The following PLEKHA6 variants were observed in gnomAD, a reference collection of about 807,000 sequenced individuals.
PLEKHA6 encodes pleckstrin homology domain containing A6, also known as pleckstrin homology domain-containing family A member 6.
Under a neutral mutation model 116.7 loss-of-function variants are expected in PLEKHA6, and 60 were observed. The ratio of observed to expected loss-of-function variants is 0.51; its 90% CI spans 0.42 to 0.64. PLEKHA6 has a LOEUF of 0.64. Ranked by LOEUF, PLEKHA6 falls within the 30% of genes least tolerant of loss-of-function variation. The pLI is 0.00. For synonymous variants in PLEKHA6, 489 were observed against 556.1 expected (o/e 0.88, Z 1.70); for missense variants, 1,338 against 1,422.7 (o/e 0.94, Z 0.96).
intron 1 of PLEKHA6, among the ~76,000 whole-genome samples, chr1:204,321,005 G>C (rs1409213887): frequency 6.6e-6 from 1 of 152,126 alleles, no homozygotes; most frequent in East Asian, 1.9e-4. Flanking sequence ...CAAAGAAGGG[G>C]GCAGATGATG....
intron 5 of PLEKHA6, among the ~76,000 whole-genome samples, chr1:204,265,697 A>G (rs764973931): frequency 6.6e-6 from 1 of 152,156 alleles, no homozygotes; most frequent in Non-Finnish European, 1.5e-5. Flanking sequence ...GCCTCTGGGT[A>G]ACTCTTTCTA....
intron 1 of PLEKHA6, among the ~76,000 whole-genome samples, chr1:204,305,482 C>T (rs1341697941): frequency 6.6e-6 from 1 of 152,118 alleles, no homozygotes; most frequent in Non-Finnish European, 1.5e-5. Context: ...CTGAGAGACC[C>T]TTGAAGGCAG....
chr1:204,350,107 A>G (rs954612771), intron 1 of PLEKHA6, among the ~76,000 whole-genome samples: 2 of 152,182 alleles, frequency 1.3e-5, no homozygotes, highest in Non-Finnish European at 2.9e-5. Context: ...GGCTCACTTG[A>G]GCCCAGAAGT....
At chr1:204,249,062 G>T in intron 11 of PLEKHA6, 92 bp from the exon 12 acceptor site, 1 of 1,496,074 alleles carries the variant, frequency 6.7e-7, no homozygotes, top group Non-Finnish European at 9.2e-7. Flanking sequence ...GGTTCAACAG[G>T]CAGCTGAGTG....
At position 204,259,261 on chromosome 1, in the gene PLEKHA6, C is replaced by T. The variant is rs771389862; in HGVS notation, c.1004G>A (p.Arg335Gln). 8.7e-6 allele frequency: 14 copies of T among 1,613,168 alleles called. No homozygotes were observed. The highest frequency in any genetic ancestry group is 5.0e-5 in the Admixed American group (3 of 59,998). ...RRGVPPPEDL[R>Q]SPSRFYPVSR... is the part of the protein sequence containing the mutation. ...CCCAGCCGCCGGCATGCCTCACCTC[C>T]GAAGGTCTTCAGGCGGGGGTACCCC... is the stretch of plus-strand genomic sequence containing the variant. Residue 335 changes from arginine (R) to glutamine (Q), a missense_variant, in exon 8 of 23, where the codon CGG becomes CAG. Physicochemically the swap from Arg to Gln is conservative, Grantham distance 43 (BLOSUM62 1). Coordinates refer to ENST00000272203, the MANE Select transcript of PLEKHA6 (RefSeq NM_014935.5). The surrounding 1 kb of genome is among the most constrained non-coding windows in gnomAD (Gnocchi z 4.6).
rs747788935 is a variant in PLEKHA6, at chr1:204,259,429, C to T, written c.836G>A (p.Arg279Gln). ...AGACGGGAAAGCTGTGCTCCCTGGC[C>T]GGCTTGGGGAGTGGTACTGCCAGCC... ...PNGWQYHSPS[R>Q]PGSTAFPSQD... Residue 279 changes from arginine (R) to glutamine (Q), a missense_variant, in exon 8 of 23, where the codon CGG becomes CAG. Around this residue, in one of 3 missense-constraint regions of PLEKHA6, gnomAD observed 1,136 missense variants for 1,163.6 expected, o/e 0.98. Coordinates refer to ENST00000272203, the MANE Select transcript of PLEKHA6 (RefSeq NM_014935.5). This position sits in a 1 kb window ranked among gnomAD's most constrained non-coding sequence, Gnocchi z 4.6. 55 of 1,614,104 alleles carry T rather than the reference C, an allele frequency of 3.4e-5. No homozygotes were observed. Among genetic ancestry groups the T allele is most frequent in the East Asian group, 4.5e-5 (2 of 44,894 alleles).
rs956278368 is a variant in PLEKHA6 at position 204,278,365 on chromosome 1, A to G, written c.-94-3556T>C. Among the ~76,000 whole-genome samples, 6 of 152,316 alleles carry G rather than the reference A, an allele frequency of 3.9e-5. No individual in the cohort carries two copies. The East Asian group carries it at 7.7e-4, about 20-fold the overall frequency. Reference sequence around the variant, plus strand: ...CACGTTTCAGTTCCTCTGGCTTTCTATATTATTCCATTTTGTCTTCACATG... The same window carrying G: ...CACGTTTCAGTTCCTCTGGCTTTCTGTATTATTCCATTTTGTCTTCACATG... On this transcript the variant is annotated intron_variant, in intron 1 of 22. Transcript: ENST00000272203.
intron 17 of PLEKHA6, among the ~76,000 whole-genome samples, chr1:204,237,272 C>T (rs913966892): frequency 4.6e-5 from 7 of 152,200 alleles, no homozygotes; most frequent in African/African-American, 1.7e-4. Context: ...CTGGAAGAAC[C>T]CCCACATTGG....
At position 204,223,402 on chromosome 1, in the gene PLEKHA6, G is replaced by T; in HGVS notation, c.*8+60C>A. On this transcript the variant is annotated intron_variant, in intron 22 of 22. Transcript: ENST00000272203. This position sits in a 1 kb window ranked among gnomAD's most constrained non-coding sequence, Gnocchi z 4.8. ...AATGAGAGGGCATAGATGGCTCAAT[G>T]GGGGTGAAGGAAGGGGCCCCACTCC... 3.6e-6 allele frequency: 3 copies of T among 835,080 alleles called. No homozygotes were observed. The highest frequency in any genetic ancestry group is 1.4e-5 in the South Asian group (1 of 69,820). The allele number at this position is 835,080 out of a possible 1,614,324, so 51.7% of individuals were successfully genotyped here. A position where few individuals can be genotyped will look rare whatever the true frequency, so the allele number is the denominator to read the frequency against.
rs776665728 is a variant in PLEKHA6 at position 204,227,998 on chromosome 1, C to T, written c.3031+85G>A. 34 of 1,372,050 alleles carry T rather than the reference C, an allele frequency of 2.5e-5. No individual in the cohort carries two copies. In the Admixed American group the frequency reaches 6.4e-4, roughly 26 times the overall value. 85.0% of individuals were successfully genotyped at this position (1,372,050 alleles called of 1,614,324 possible). A position where few individuals can be genotyped will look rare whatever the true frequency, so the allele number is the denominator to read the frequency against. On this transcript the variant is annotated intron_variant, in intron 21 of 22. Transcript: ENST00000272203. ...GCCTTGTATCTCTTTGCTACTGCCC[C>T]CCTTGTAGCAGTGCCACGCTTCCTC...
rs888653590 is a variant in PLEKHA6 at position 204,259,174 on chromosome 1, G to T, written c.1007+84C>A. Reference sequence around the variant, plus strand: ...CTGCTTCCAGAAGGTTTCCAACAGGGGATGCCTCGTGGGCTATGACCCCAC... The same window carrying T: ...CTGCTTCCAGAAGGTTTCCAACAGGTGATGCCTCGTGGGCTATGACCCCAC... On this transcript the variant is annotated intron_variant, in intron 8 of 22. Transcript: ENST00000272203. This position sits in a 1 kb window ranked among gnomAD's most constrained non-coding sequence, Gnocchi z 4.6. The T allele has an allele frequency of 1.1e-5, 16 of 1,452,080 alleles. No homozygotes were observed. The African/African-American group carries it at 2.1e-4, about 19-fold the overall frequency. 89.9% of individuals were successfully genotyped at this position (1,452,080 alleles called of 1,614,324 possible). A position where few individuals can be genotyped will look rare whatever the true frequency, so the allele number is the denominator to read the frequency against.
rs115121594 is a variant in PLEKHA6 at position 204,365,062 on chromosome 1, G to A, written c.218+2737C>T. On this transcript the variant is annotated intron_variant, in intron 3 of 4. Coordinates refer to the PLEKHA6 transcript ENST00000564627. ...GAGAGATTGGCACCTACAAAGCCCC[G>A]GAAGCATGAAAGGGAAGCGAATGTT... Among the ~76,000 whole-genome samples, 728 of 152,244 alleles carry A rather than the reference G, an allele frequency of 4.8e-3. 4 individuals are homozygous for A. The highest frequency in any genetic ancestry group is 0.014 in the African/African-American group (570 of 41,518).
chr1:204,305,352 G>A (rs1326864313), intron 1 of PLEKHA6, among the ~76,000 whole-genome samples: 1 of 152,202 alleles, frequency 6.6e-6, no homozygotes, highest in Non-Finnish European at 1.5e-5. Flanking sequence ...CGCTGGATTA[G>A]GAGTTGGATT....
chr1:204,286,627 G>A (rs1275103612), intron 1 of PLEKHA6, among the ~76,000 whole-genome samples: 1 of 152,146 alleles, frequency 6.6e-6, no homozygotes, highest in Non-Finnish European at 1.5e-5. Context: ...CAAAACTTAA[G>A]GATTTCAAGA....
Position 204,261,528 on chromosome 1 carries a change from A to G in PLEKHA6, c.382-80T>C. The G allele has an allele frequency of 6.9e-7, 1 of 1,458,462 alleles. No individual in the cohort carries two copies. Among genetic ancestry groups the G allele is most frequent in the East Asian group, 2.3e-5 (1 of 42,794 alleles). The allele number at this position is 1,458,462 out of a possible 1,614,324, so 90.3% of individuals were successfully genotyped here. On this transcript the variant is annotated intron_variant, in intron 6 of 22. Coordinates refer to ENST00000272203, the MANE Select transcript of PLEKHA6 (RefSeq NM_014935.5). This position sits in a 1 kb window ranked among gnomAD's most constrained non-coding sequence, Gnocchi z 4.0. ...AGTCACCTGTTGGGAGAAGACACCA[A>G]CGCCCACAGAATGGGCAGTCAGTTG...
In PLEKHA6 at chr1:204,265,042, T is replaced by A; in HGVS notation, c.281A>T (p.Asp94Val). ...GCCCAGGATACTCTCTTCCTTCTCA[T>A]CTGTCAGGGAGAGAGGCACAAGAAG... ...LVDRCLFYYKDEKEESILGSI... is the reference protein window; with the variant it reads ...LVDRCLFYYKVEKEESILGSI... The change falls in exon 6 of 23, where the codon GAT becomes GTT. Residue 94 changes from aspartate (D) to valine (V), a missense_variant and splice_region_variant. Physicochemically the swap from Asp to Val is radical, Grantham distance 152. Transcript: ENST00000272203. 6.2e-7 allele frequency: 1 copy of A among 1,609,016 alleles called. No individual in the cohort carries two copies. Among genetic ancestry groups the A allele is most frequent in the Non-Finnish European group, 8.5e-7 (1 of 1,175,876 alleles).
chr1:204,322,608 G>A (rs1672103923), intron 1 of PLEKHA6, among the ~76,000 whole-genome samples: 1 of 152,154 alleles, frequency 6.6e-6, no homozygotes, highest in African/African-American at 2.4e-5. Flanking sequence ...TTCAACCGCT[G>A]TCACTATTAT....
chr1:204,296,181 T>C (rs942474197), intron 1 of PLEKHA6, among the ~76,000 whole-genome samples: 2 of 152,138 alleles, frequency 1.3e-5, no homozygotes, highest in African/African-American at 4.8e-5. Flanking sequence ...GTGTTAGATA[T>C]GGCCTTGGAA....
intron 9 of PLEKHA6, among the ~76,000 whole-genome samples, chr1:204,251,042 C>T (rs990898797): frequency 2.6e-5 from 4 of 152,114 alleles, no homozygotes; most frequent in African/African-American, 9.7e-5. Flanking sequence ...AAACTATTGC[C>T]CTAGTAGACT....
Sources: gnomAD v4.1 joint callset for allele counts (sites outside exome capture counted in the v4.1 genomes callset) on GRCh38, gnomAD v4.1.1 for gene constraint, gnomAD v4.1.1 regional missense constraint, Gnocchi (gnomAD v3.1) non-coding constraint, MANE v1.5 for transcripts, NCBI Gene and HGNC (gene_info 2026-07-23, HGNC 2026-07-21) for gene names.